DNAI3: variants seen among roughly 807,000 people sequenced by gnomAD.
DNAI3 encodes the protein dynein axonemal intermediate chain 3.
Under a neutral mutation model 115.5 loss-of-function variants are expected in DNAI3, and 83 were observed. The ratio of observed to expected loss-of-function variants is 0.72; its 90% CI spans 0.60 to 0.86. The LOEUF is 0.86. Ranked by LOEUF, DNAI3 falls within the 40% of genes least tolerant of loss-of-function variation. DNAI3 has a pLI of 0.00. For synonymous variants in DNAI3, 320 were observed against 347.0 expected (o/e 0.92, Z 0.86); for missense variants, 1,004 against 1,075.8 (o/e 0.93, Z 0.93).
chr1:85,112,484 G>T (rs1193681609), intron 16 of DNAI3, among the ~76,000 whole-genome samples: 1 of 152,136 alleles, frequency 6.6e-6, no homozygotes, highest in African/African-American at 2.4e-5. Flanking sequence ...TATATGGCAG[G>T]TGTATGTTTT....
chr1:85,071,697 C>A (rs895947005), intron 1 of DNAI3, among the ~76,000 whole-genome samples: 1 of 152,088 alleles, frequency 6.6e-6, no homozygotes, highest in Non-Finnish European at 1.5e-5. Context: ...CACCACGGTG[C>A]GCTTCAGCTA....
At chr1:85,066,042 G>T (rs1167661469) in intron 1 of DNAI3, among the ~76,000 whole-genome samples, 1 of 152,160 alleles carries the variant, frequency 6.6e-6, no homozygotes, top group Non-Finnish European at 1.5e-5. Flanking sequence ...AATGTCTCTT[G>T]TTGTTAACGT....
At chr1:85,128,892 C>A in intron 21 of DNAI3, 93 bp downstream of exon 21, 3 of 1,142,518 alleles carry the variant, frequency 2.6e-6, no homozygotes, top group Non-Finnish European at 3.9e-6. Context: ...AGCATTTTTG[C>A]TCTGTAAGGG....
In DNAI3 at chr1:85,130,023, G is replaced by A; in HGVS notation, c.2443G>A (p.Val815Ile). 6.2e-7 allele frequency: 1 copy of A among 1,613,214 alleles called. No homozygotes were observed. Among genetic ancestry groups the A allele is most frequent in the Non-Finnish European group, 8.5e-7 (1 of 1,179,664 alleles). ...ASVNHYFERE[V>I]KHLEYVEQRK... is the part of the protein sequence containing the mutation. ...TGTCAACCACTATTTTGAAAGAGAAGTCAAGCATCTGGAATACGTAGAACA... is the reference window on the plus strand; with the variant it reads ...TGTCAACCACTATTTTGAAAGAGAAATCAAGCATCTGGAATACGTAGAACA... Residue 815 changes from valine (V) to isoleucine (I), a missense_variant, in exon 22 of 23, where the codon GTC becomes ATC. By Grantham distance (29) the Val-to-Ile change is conservative. Around this residue, in one of 3 missense-constraint regions of DNAI3, gnomAD observed 429 missense variants for 454.3 expected, o/e 0.94. Transcript: ENST00000294664.
intron 3 of DNAI3, among the ~76,000 whole-genome samples, chr1:85,079,159 A>C (rs1051255279): frequency 6.6e-6 from 1 of 152,222 alleles, no homozygotes; most frequent in Non-Finnish European, 1.5e-5. Context: ...CCCATTCAAC[A>C]CTACAAATGC....
At chr1:85,127,330 G>A (rs945688412) in intron 20 of DNAI3, among the ~76,000 whole-genome samples, 3 of 152,172 alleles carry the variant, frequency 2.0e-5, no homozygotes, top group Admixed American at 2.0e-4. Context: ...ATAGAAACAT[G>A]ATGTATGTCC....
intron 21 of DNAI3, 91 bp downstream of exon 21, chr1:85,128,890 T>C (rs2305931): frequency 0.061 from 73,903 of 1,213,122 alleles, 2,532 homozygotes; most frequent in East Asian, 0.12. Context: ...ACAGCATTTT[T>C]GCTCTGTAAG....
At position 85,091,158 on chromosome 1, in the gene DNAI3, GA is replaced by G. The variant is rs372105878; in HGVS notation, c.857+930del. 2.5e-3 allele frequency among the ~76,000 whole-genome samples: 382 copies of G among 152,180 alleles called. 2 individuals carry two copies. Among genetic ancestry groups the G allele is most frequent in the African/African-American group, 8.9e-3 (370 of 41,532 alleles). ...TATACGGGCAATGAGATAGAAACAA[GA>G]AAACCTGAGTTTCACCCTCCCCTTA... On this transcript the variant is annotated intron_variant, in intron 8 of 22. Transcript: ENST00000294664.
chr1:85,084,416 A>G (rs2100570457), intron 5 of DNAI3, 130 bp from the exon 6 acceptor site: 3 of 619,956 alleles, frequency 4.8e-6, no homozygotes, highest in Middle Eastern at 5.8e-4. Context: ...GTGTGAATTG[A>G]CAAAAAAAAG....
intron 17 of DNAI3, among the ~76,000 whole-genome samples, chr1:85,118,721 G>C (rs1183494144): frequency 1.3e-5 from 2 of 152,086 alleles, no homozygotes; most frequent in Non-Finnish European, 2.9e-5. Context: ...TCTCCTCAAG[G>C]CACTTTCTGC....
Position 85,064,580 on chromosome 1 carries a change from A to ATGTT in DNAI3, c.-15+2120_-15+2123dup, listed in dbSNP as rs369398116. The stretch of plus-strand genomic sequence containing the variant: ...TAGTCTTGGGTTTTATTCTAAATCA[A>ATGTT]TGTTTGTTTGTTTGTTTGTTTGTTT... On this transcript the variant is annotated intron_variant, in intron 1 of 22. Coordinates refer to ENST00000294664, the MANE Select transcript of DNAI3 (RefSeq NM_145172.5). 8.5e-3 allele frequency among the ~76,000 whole-genome samples: 1,300 copies of ATGTT among 152,078 alleles called. 16 individuals are homozygous for ATGTT. The highest frequency in any genetic ancestry group is 0.04 in the East Asian group (205 of 5,166).
chr1:85,105,934 G>A (rs1371493932), intron 14 of DNAI3, among the ~76,000 whole-genome samples: 2 of 152,144 alleles, frequency 1.3e-5, no homozygotes, highest in African/African-American at 4.8e-5. Flanking sequence ...AATGGAGAAC[G>A]GGGTGGTTCC....
intron 14 of DNAI3, among the ~76,000 whole-genome samples, 177 bp from the exon 15 acceptor site, chr1:85,107,856 C>G (rs765003960): frequency 1.3e-5 from 2 of 152,120 alleles, no homozygotes; most frequent in East Asian, 3.8e-4. Flanking sequence ...ACTCAATAAA[C>G]AGTTTAATTC....
intron 17 of DNAI3, among the ~76,000 whole-genome samples, chr1:85,119,481 T>G (rs1349435148): frequency 6.6e-6 from 1 of 152,192 alleles, no homozygotes; most frequent in Non-Finnish European, 1.5e-5. Context: ...AATGACACCA[T>G]CAGACCAGAT....
intron 1 of DNAI3, among the ~76,000 whole-genome samples, chr1:85,063,639 C>A (rs1219169020): frequency 6.6e-6 from 1 of 152,132 alleles, no homozygotes; most frequent in Non-Finnish European, 1.5e-5. Flanking sequence ...AAATGAGCTC[C>A]ATTTCTACAA....
chr1:85,124,786 G>A (rs758950149), intron 19 of DNAI3, among the ~76,000 whole-genome samples: 4 of 152,044 alleles, frequency 2.6e-5, no homozygotes, highest in East Asian at 1.9e-4. Context: ...CACCTGCCTC[G>A]GCCTCCCGAA....
chr1:85,081,589 T>C (rs866066923), intron 4 of DNAI3, among the ~76,000 whole-genome samples, 174 bp downstream of exon 4: 1 of 152,154 alleles, frequency 6.6e-6, no homozygotes, highest in African/African-American at 2.4e-5. Context: ...AAAAGCAAAG[T>C]TCCATCAATG....
Position 85,128,815 on chromosome 1 carries a change from A to T in DNAI3, c.2409+16A>T. 6.3e-7 allele frequency: 1 copy of T among 1,598,662 alleles called. No individual in the cohort carries two copies. Among genetic ancestry groups the T allele is most frequent in the Non-Finnish European group, 8.6e-7 (1 of 1,169,316 alleles). On this transcript the variant is annotated intron_variant, in intron 21 of 22. Coordinates refer to ENST00000294664, the MANE Select transcript of DNAI3 (RefSeq NM_145172.5). ...CACCAATGAGGTTAGTAACTAACTTATGACTTTGAGAATTAATGTGACCAG... is the reference window on the plus strand; with the variant it reads ...CACCAATGAGGTTAGTAACTAACTTTTGACTTTGAGAATTAATGTGACCAG...
intron 14 of DNAI3, among the ~76,000 whole-genome samples, chr1:85,106,442 A>C (rs961924242): frequency 6.6e-6 from 1 of 152,234 alleles, no homozygotes; most frequent in African/African-American, 2.4e-5. Context: ...GACCCAATTA[A>C]AAAGTGAACA....
Sources: gnomAD v4.1 joint callset for allele counts (sites outside exome capture counted in the v4.1 genomes callset) on GRCh38, gnomAD v4.1.1 for gene constraint, gnomAD v4.1.1 regional missense constraint, MANE v1.5 for transcripts, NCBI Gene and HGNC (gene_info 2026-07-23, HGNC 2026-07-21) for gene names.